The following RIMS2 variants were observed in gnomAD, a reference collection of about 807,000 sequenced individuals.
The protein encoded by RIMS2 is regulating synaptic membrane exocytosis 2.
RIMS2 carries 59 observed loss-of-function variants against 174.4 expected under a neutral mutation model. The observed-to-expected ratio is 0.34, with a 90% CI of 0.27 to 0.42. RIMS2 has a LOEUF of 0.42. Among genes scored for constraint, RIMS2 ranks in the 10% least tolerant of loss-of-function variants. RIMS2 has a pLI of 1.00. For missense variants in RIMS2, 1,620 were observed against 1,666.3 expected (o/e 0.97, Z 0.48); for synonymous variants, 606 against 572.5 (o/e 1.06, Z -0.84).
intron 1 of RIMS2, among the ~76,000 whole-genome samples, chr8:103,542,256 C>T (rs935881250): frequency 1.3e-5 from 2 of 152,028 alleles, no homozygotes; most frequent in African/African-American, 4.8e-5. Context: ...ACGATTAATT[C>T]TTTAACACAT....
intron 3 of RIMS2, among the ~76,000 whole-genome samples, chr8:103,804,432 AAC>A (rs2098636329): frequency 6.6e-6 from 1 of 152,212 alleles, no homozygotes. Context: ...CTCTACCACC[AAC>A]AGAGTATTGG....
chr8:104,116,050 T>A (rs1053311872), intron 19 of RIMS2, among the ~76,000 whole-genome samples: 35 of 152,182 alleles, frequency 2.3e-4, no homozygotes, highest in African/African-American at 7.7e-4. Context: ...ATCATGTTCT[T>A]CATTTTGTTA....
intron 3 of RIMS2, among the ~76,000 whole-genome samples, chr8:103,769,409 C>T (rs972412699): frequency 3.9e-5 from 6 of 152,210 alleles, no homozygotes; most frequent in Middle Eastern, 3.4e-3. Context: ...CTGCAACCTC[C>T]GCCTCCCGAG....
chr8:104,063,180 A>G (rs1413669205), intron 19 of RIMS2, among the ~76,000 whole-genome samples: 2 of 152,058 alleles, frequency 1.3e-5, no homozygotes, highest in Non-Finnish European at 2.9e-5. Flanking sequence ...TAATTCTTAA[A>G]TTTAACTGAA....
chr8:103,609,049 T>C (rs374620251), intron 1 of RIMS2, among the ~76,000 whole-genome samples: 136 of 152,354 alleles, frequency 8.9e-4, no homozygotes, highest in African/African-American at 3.1e-3. Context: ...AATATCTATC[T>C]GACTGGTGTG....
chr8:103,611,369 A>G (rs967789261), intron 1 of RIMS2, among the ~76,000 whole-genome samples: 3 of 152,042 alleles, frequency 2.0e-5, no homozygotes, highest in African/African-American at 4.8e-5. Flanking sequence ...CAGTGTTTTA[A>G]TATTTTGTTT....
At chr8:103,921,981 C>A (rs2077760791) in intron 10 of RIMS2, 197 bp downstream of exon 13, 1 of 315,180 alleles carries the variant, frequency 3.2e-6, no homozygotes, top group Non-Finnish European at 5.8e-6. Flanking sequence ...GTTAGATTTA[C>A]TGAAATTTAA....
In RIMS2 at chr8:104,173,613, A is replaced by ATTTTTTTTTTTT. The variant is rs71297262; in HGVS notation, c.3335-71281_3335-71270dup. Among the ~76,000 whole-genome samples the ATTTTTTTTTTTT allele has an allele frequency of 3.9e-4, 21 of 54,236 alleles. 5 individuals are homozygous for ATTTTTTTTTTTT. The highest frequency in any genetic ancestry group is 1.1e-3 in the South Asian group (1 of 950). The allele number at this position is 54,236 out of a possible 152,430, so 35.6% of individuals were successfully genotyped here. On this transcript the variant is annotated intron_variant, in intron 19 of 23. Transcript: ENST00000504942. ...AATATTTACTACCTTAGCTCTTCTG[A>ATTTTTTTTTTTT]TTTTTTTTTTTTTTTTTTTTTTTTT...
chr8:103,890,112 C>T (rs754538548), intron 4 of RIMS2, among the ~76,000 whole-genome samples: 2 of 151,972 alleles, frequency 1.3e-5, no homozygotes, highest in Non-Finnish European at 2.9e-5. Context: ...TTTTGGATTA[C>T]TTAATGTTCT....
At chr8:103,841,584 A>G (rs923362556) in intron 3 of RIMS2, among the ~76,000 whole-genome samples, 3 of 151,926 alleles carry the variant, frequency 2.0e-5, no homozygotes, top group Non-Finnish European at 4.4e-5. Context: ...TCAGCTAGAC[A>G]TTTTACTCCA....
chr8:103,549,220 G>A (rs12547948), intron 1 of RIMS2, among the ~76,000 whole-genome samples: 29,430 of 152,010 alleles, frequency 0.19, 3,041 homozygotes, highest in Middle Eastern at 0.3. Context: ...CAGCCAGAGA[G>A]AATGGTCGGG....
At chr8:104,034,689 C>G (rs529630345) in intron 19 of RIMS2, among the ~76,000 whole-genome samples, 61 of 151,834 alleles carry the variant, frequency 4.0e-4, no homozygotes, top group Non-Finnish European at 7.5e-4. Flanking sequence ...AGGATGGTCT[C>G]AAACTCCTGA....
intron 1 of RIMS2, among the ~76,000 whole-genome samples, chr8:103,646,209 G>A (rs2096328584): frequency 1.3e-5 from 2 of 152,126 alleles, no homozygotes; most frequent in South Asian, 4.1e-4. Context: ...CCATCTGGAT[G>A]TGTAGGAGCA....
chr8:103,843,870 A>G (rs571362457), intron 3 of RIMS2, among the ~76,000 whole-genome samples: 7 of 152,272 alleles, frequency 4.6e-5, no homozygotes, highest in East Asian at 1.9e-4. Context: ...TCTTTCTGCT[A>G]TGGTTTGACT....
chr8:104,100,117 A>G (rs988886348), intron 19 of RIMS2, among the ~76,000 whole-genome samples: 1 of 152,008 alleles, frequency 6.6e-6, no homozygotes, highest in African/African-American at 2.4e-5. Flanking sequence ...CACCATACCC[A>G]GCTTCTTTAT....
intron 19 of RIMS2, among the ~76,000 whole-genome samples, chr8:104,037,558 C>T (rs890415566): frequency 1.1e-4 from 17 of 152,096 alleles, no homozygotes; most frequent in Non-Finnish European, 2.2e-4. Flanking sequence ...GTGAAAACTG[C>T]GTTTGTGGAT....
At chr8:103,817,664 C>T (rs912107775) in intron 3 of RIMS2, among the ~76,000 whole-genome samples, 12 of 152,114 alleles carry the variant, frequency 7.9e-5, no homozygotes, top group African/African-American at 2.9e-4. Context: ...CCTGTAATCC[C>T]AGCTACTCAG....
chr8:103,838,589 C>T (rs932625822), intron 3 of RIMS2, among the ~76,000 whole-genome samples: 3 of 152,202 alleles, frequency 2.0e-5, no homozygotes, highest in African/African-American at 7.2e-5. Flanking sequence ...CAACATCTCT[C>T]ACTCTATTAT....
intron 17 of RIMS2, among the ~76,000 whole-genome samples, chr8:104,005,146 T>C (rs1211835571): frequency 6.6e-6 from 1 of 152,214 alleles, no homozygotes; most frequent in Non-Finnish European, 1.5e-5. Context: ...TGCCTTTGCA[T>C]TGAAATCTTC....
Sources: allele counts gnomAD v4.1 joint callset (sites outside exome capture counted in the v4.1 genomes callset), GRCh38; gene constraint gnomAD v4.1.1; transcripts MANE v1.5; gene names NCBI Gene and HGNC (gene_info 2026-07-23, HGNC 2026-07-21).